NALCN: variants seen among roughly 807,000 people sequenced by gnomAD.
NALCN encodes the protein sodium leak channel, non-selective, also known as sodium leak channel NALCN.
A neutral mutation model predicts 225.3 loss-of-function variants in NALCN; 111 were observed. That is an observed-to-expected ratio of 0.49 (90% CI 0.42 to 0.58). The LOEUF is 0.58. Ranked by LOEUF, NALCN falls within the 20% of genes least tolerant of loss-of-function variation. The pLI is 0.00. For missense variants in NALCN, 1,378 were observed against 2,202.4 expected (o/e 0.63, Z 7.49); for synonymous variants, 764 against 769.0 (o/e 0.99, Z 0.11).
At chr13:101,337,642 A>C (rs1177124100) in intron 7 of NALCN, among the ~76,000 whole-genome samples, 1 of 152,176 alleles carries the variant, frequency 6.6e-6, no homozygotes, top group Non-Finnish European at 1.5e-5. Flanking sequence ...TTGTCTAAAG[A>C]CTTCAGGACA....
At chr13:101,257,015 G>T (rs967505279) in intron 11 of NALCN, among the ~76,000 whole-genome samples, 6 of 151,988 alleles carry the variant, frequency 3.9e-5, no homozygotes, top group Admixed American at 6.6e-5. Context: ...CACCCGCCTT[G>T]GCCTCCCAAA....
chr13:101,093,363 T>A (rs1013034693), intron 28 of NALCN, among the ~76,000 whole-genome samples: 2 of 152,180 alleles, frequency 1.3e-5, no homozygotes, highest in Admixed American at 1.3e-4. Context: ...AATATAAAAT[T>A]ACAAAATTTC....
chr13:101,105,056 C>T (rs2139618417), intron 22 of NALCN, 106 bp from the exon 23 acceptor site: 2 of 925,982 alleles, frequency 2.2e-6, no homozygotes, highest in Non-Finnish European at 3.4e-6. Flanking sequence ...TCTTTTACAG[C>T]CTCTCTACAA....
chr13:101,280,566 T>C (rs540504129), intron 10 of NALCN, among the ~76,000 whole-genome samples: 10 of 152,294 alleles, frequency 6.6e-5, no homozygotes, highest in African/African-American at 2.4e-4. Context: ...TTAACAAGGA[T>C]TTAATAGATT....
chr13:101,297,072 G>GA (rs963722598), intron 7 of NALCN, among the ~76,000 whole-genome samples: 3 of 152,014 alleles, frequency 2.0e-5, no homozygotes, highest in Admixed American at 2.0e-4. Context: ...CTTTTCCCAT[G>GA]AAAAAAGAGG....
At chr13:101,413,632 C>CA (rs1358721713) in intron 1 of NALCN, among the ~76,000 whole-genome samples, 1 of 152,038 alleles carries the variant, frequency 6.6e-6, no homozygotes, top group Non-Finnish European at 1.5e-5. Flanking sequence ...AAAAAGACTA[C>CA]AAAAAACACA....
intron 13 of NALCN, among the ~76,000 whole-genome samples, chr13:101,197,242 C>T (rs2039929236): frequency 6.6e-6 from 1 of 152,136 alleles, no homozygotes; most frequent in Admixed American, 6.5e-5. Context: ...TTCCAGAAGA[C>T]AGTCTTAAGG....
At chr13:101,133,368 AG>A (rs1190990559) in intron 17 of NALCN, among the ~76,000 whole-genome samples, 1 of 152,214 alleles carries the variant, frequency 6.6e-6, no homozygotes, top group Non-Finnish European at 1.5e-5. Context: ...AAATATTAAC[AG>A]GTTAATAATA....
At chr13:101,257,221 T>TC (rs1306942871) in intron 11 of NALCN, among the ~76,000 whole-genome samples, 1 of 150,806 alleles carries the variant, frequency 6.6e-6, no homozygotes, top group African/African-American at 2.4e-5. Flanking sequence ...TTTTTTTTTT[T>TC]TTTTTTGCTA....
chr13:101,287,652 C>T (rs552529583), intron 9 of NALCN, among the ~76,000 whole-genome samples: 1 of 152,246 alleles, frequency 6.6e-6, no homozygotes, highest in East Asian at 1.9e-4. Flanking sequence ...AGAATCTCAC[C>T]AATAACACAA....
At chr13:101,286,790 G>A (rs1370513733) in intron 9 of NALCN, among the ~76,000 whole-genome samples, 1 of 150,382 alleles carries the variant, frequency 6.6e-6, no homozygotes, top group Non-Finnish European at 1.5e-5. Context: ...AGGATGAGTT[G>A]CAAAAGAAAC....
At chr13:101,337,313 T>C (rs1371258258) in intron 7 of NALCN, among the ~76,000 whole-genome samples, 1 of 150,176 alleles carries the variant, frequency 6.7e-6, no homozygotes, top group Non-Finnish European at 1.5e-5. Context: ...TATTTATTTA[T>C]TTATTTATTT....
At chr13:101,227,270 T>C (rs1344572582) in intron 13 of NALCN, among the ~76,000 whole-genome samples, 1 of 152,132 alleles carries the variant, frequency 6.6e-6, no homozygotes, top group Non-Finnish European at 1.5e-5. Flanking sequence ...ATCTCACCCA[T>C]CTGCAACCTC....
chr13:101,102,630 C>G (rs1252899184), intron 26 of NALCN, among the ~76,000 whole-genome samples: 1 of 152,186 alleles, frequency 6.6e-6, no homozygotes, highest in African/African-American at 2.4e-5. Flanking sequence ...GTTTTGCCCC[C>G]TCAATCATCT....
intron 20 of NALCN, among the ~76,000 whole-genome samples, chr13:101,108,833 A>C (rs1151384): frequency 0.13 from 19,993 of 152,208 alleles, 1,894 homozygotes; most frequent in African/African-American, 0.27. Flanking sequence ...GCTATCATTC[A>C]GAATAAGTGA....
chr13:101,292,341 C>T lies in NALCN; in HGVS notation c.825G>A (p.Glu275=). ...EIGTSIFTVY[E]AASQEGWVFL... is the part of the protein sequence containing the mutation. ...ACACCCAGCCTTCCTGTGAGGCGGC[C>T]TCATAGACGGTGAATATACTAGTTC... The change falls in exon 8 of 44, where the codon GAG becomes GAA. Residue 275 remains glutamate, a synonymous_variant. Transcript: ENST00000251127. This position sits in a 1 kb window ranked among gnomAD's most constrained non-coding sequence, Gnocchi z 4.3. The T allele has an allele frequency of 5.6e-6, 9 of 1,614,026 alleles. No individual in the cohort carries two copies. Among genetic ancestry groups the T allele is most frequent in the Non-Finnish European group, 7.6e-6 (9 of 1,179,998 alleles).
chr13:101,378,499 T>C lies in NALCN; in HGVS notation c.375+71A>G, dbSNP rs570256899. ...GATATATATTTTGTAATATTTCTAT[T>C]TAGACTTTTAATGCAAAATAATTCC... On this transcript the variant is annotated intron_variant, in intron 4 of 43. Coordinates refer to ENST00000251127, the MANE Select transcript of NALCN (RefSeq NM_052867.4). The C allele has an allele frequency of 2.8e-5, 32 of 1,157,974 alleles. No individual in the cohort carries two copies. In the South Asian group the frequency reaches 4.1e-4, roughly 15 times the overall value. 71.7% of individuals were successfully genotyped at this position (1,157,974 alleles called of 1,614,324 possible). A position where few individuals can be genotyped will look rare whatever the true frequency, so the allele number is the denominator to read the frequency against.
At chr13:101,058,209 A>G (rs1240099475) in intron 42 of NALCN, 153 bp from the exon 43 acceptor site, 5 of 629,232 alleles carry the variant, frequency 7.9e-6, no homozygotes, top group Non-Finnish European at 8.2e-6. Context: ...AAATGGGTAT[A>G]AAGGGTCACA....
intron 15 of NALCN, among the ~76,000 whole-genome samples, chr13:101,160,160 T>A (rs1477641047): frequency 6.6e-6 from 1 of 152,170 alleles, no homozygotes; most frequent in South Asian, 2.1e-4. Context: ...TTCACCATGT[T>A]AGCCAGGATG....
Sources: gnomAD v4.1 joint callset for allele counts (sites outside exome capture counted in the v4.1 genomes callset) on GRCh38, gnomAD v4.1.1 for gene constraint, Gnocchi (gnomAD v3.1) non-coding constraint, MANE v1.5 for transcripts, NCBI Gene and HGNC (gene_info 2026-07-23, HGNC 2026-07-21) for gene names.